DENND6B: variants seen among roughly 807,000 people sequenced by gnomAD.
DENND6B encodes the protein DENN domain containing 6B.
In DENND6B, 73 loss-of-function variants were observed where a neutral mutation model predicts 85.1. The observed-to-expected ratio is 0.86, with a 90% CI of 0.71 to 1.04. The LOEUF (loss-of-function observed/expected upper bound fraction) is 1.04. Among genes scored for constraint, DENND6B ranks in the 50% least tolerant of loss-of-function variants. The probability of loss-of-function intolerance (pLI) is 0.00; values close to 1 mark genes in which losing one functional copy is unlikely to be tolerated. For synonymous variants in DENND6B, 357 were observed against 329.3 expected (o/e 1.08, Z -0.91); for missense variants, 715 against 785.8 (o/e 0.91, Z 1.08).
chr22:50,318,345 TA>T (rs1171210151), intron 3 of DENND6B, among the ~76,000 whole-genome samples: 1 of 152,050 alleles, frequency 6.6e-6, no homozygotes, highest in Non-Finnish European at 1.5e-5. Context: ...TCCGTTTAAA[TA>T]AAAAAAGCCC....
At chr22:50,319,166 C>T (rs2041960446) in intron 1 of DENND6B, 163 bp from the exon 2 acceptor site, 3 of 1,525,392 alleles carry the variant, frequency 2.0e-6, no homozygotes, top group East Asian at 2.5e-5. Context: ...CCTGTTCCAA[C>T]AGCACGCTGC....
Position 50,313,174 on chromosome 22 carries a change from C to T in DENND6B, c.1348-66G>A. On this transcript the variant is annotated intron_variant, in intron 16 of 19. Transcript: ENST00000413817. ...TCACAGGCCTGCACCCGGTACGCTT[C>T]CCAGACACACTCCTCACCACTTCTG... 7 of 1,424,500 alleles carry T rather than the reference C, an allele frequency of 4.9e-6. No homozygotes were observed. In the South Asian group the frequency reaches 7.7e-5, roughly 16 times the overall value. The allele number at this position is 1,424,500 out of a possible 1,614,324, so 88.2% of individuals were successfully genotyped here. A position where few individuals can be genotyped will look rare whatever the true frequency, so the allele number is the denominator to read the frequency against.
chr22:50,313,744 A>G lies in DENND6B; in HGVS notation c.1204-20T>C. On this transcript the variant is annotated intron_variant, in intron 14 of 19. Coordinates refer to ENST00000413817, the MANE Select transcript of DENND6B (RefSeq NM_001001794.4). ...CACGCCCTGCAGGGGAGAGAGGGCCAGGCCCTTGCTGCGCTTCACACCACA... is the reference window on the plus strand; with the variant it reads ...CACGCCCTGCAGGGGAGAGAGGGCCGGGCCCTTGCTGCGCTTCACACCACA... The G allele has an allele frequency of 6.2e-7, 1 of 1,605,538 alleles. No individual in the cohort carries two copies. Among genetic ancestry groups the G allele is most frequent in the Non-Finnish European group, 8.5e-7 (1 of 1,177,368 alleles).
chr22:50,312,284 G>A lies in DENND6B; in HGVS notation c.1636-23C>T, dbSNP rs751134272. 7.4e-6 allele frequency: 12 copies of A among 1,611,452 alleles called. No individual in the cohort carries two copies. In the African/African-American group the frequency reaches 9.3e-5, roughly 13 times the overall value. ...CACCTGGAGGGGCAGCCATGGTCAG[G>A]GCAGGCGCAGCTCCGTGCCAGGCTG... On this transcript the variant is annotated intron_variant, in intron 19 of 19. Coordinates refer to ENST00000413817, the MANE Select transcript of DENND6B (RefSeq NM_001001794.4).
chr22:50,312,325 G>A lies in DENND6B; in HGVS notation c.1635+18C>T, dbSNP rs2068076002. The A allele has an allele frequency of 5.6e-6, 9 of 1,611,276 alleles. No individual in the cohort carries two copies. Among genetic ancestry groups the A allele is most frequent in the South Asian group, 2.2e-5 (2 of 90,670 alleles). Reference sequence around the variant, plus strand: ...TGCCAGGCTGGTGGCGCTGGGACAAGGCTGGGAGGCATCTTACCAGCTTCT... The same window carrying A: ...TGCCAGGCTGGTGGCGCTGGGACAAAGCTGGGAGGCATCTTACCAGCTTCT... On this transcript the variant is annotated intron_variant, in intron 19 of 19. Transcript: ENST00000413817.
Position 50,314,701 on chromosome 22 carries a change from C to G in DENND6B, c.882-1G>C. 1 of 1,566,674 alleles carries G rather than the reference C, an allele frequency of 6.4e-7. No homozygotes were observed. The highest frequency in any genetic ancestry group is 2.4e-5 in the East Asian group (1 of 42,128). The stretch of plus-strand genomic sequence containing the variant: ...GCAGAACCTGAGGGGCTGCAGGCAG[C>G]TGTGGGCAGAGGCAGCAGGGAGCAG... On this transcript the variant is annotated splice_acceptor_variant, in intron 10 of 19. Coordinates refer to ENST00000413817, the MANE Select transcript of DENND6B (RefSeq NM_001001794.4). LOFTEE classifies it high-confidence loss of function.
At position 50,311,870 on chromosome 22, in the gene DENND6B, C is replaced by T. The variant is rs549204869; in HGVS notation, c.*269G>A. 5 of 522,624 alleles carry T rather than the reference C, an allele frequency of 9.6e-6. No homozygotes were observed. In the African/African-American group the frequency reaches 9.6e-5, roughly 10 times the overall value. The allele number at this position is 522,624 out of a possible 1,614,324, so 32.4% of individuals were successfully genotyped here. ...AGCAAGGGCTCCCAGCCTGTCCCCG[C>T]CCCCGTCCCAGCCTAAGGTCTGCAG... On this transcript the variant is annotated 3_prime_UTR_variant, in exon 20 of 20. Coordinates refer to ENST00000413817, the MANE Select transcript of DENND6B (RefSeq NM_001001794.4).
intron 1 of DENND6B, among the ~76,000 whole-genome samples, chr22:50,325,430 C>T (rs1303963491): frequency 9.9e-5 from 15 of 151,378 alleles, no homozygotes; most frequent in Admixed American, 7.2e-4. Context: ...CTCCCCCTCC[C>T]GGGTTCAAGC....
chr22:50,312,657 G>A (rs776297392), intron 17 of DENND6B, 32 bp from the exon 18 acceptor site: 8 of 1,526,754 alleles, frequency 5.2e-6, no homozygotes, highest in Non-Finnish European at 7.1e-6. Flanking sequence ...GGGCCATGGG[G>A]CTGACCCTGG....
At chr22:50,320,514 C>T (rs1015517166) in intron 1 of DENND6B, among the ~76,000 whole-genome samples, 4 of 152,190 alleles carry the variant, frequency 2.6e-5, no homozygotes, top group African/African-American at 9.6e-5. Context: ...GCACCTGGCA[C>T]AGAACAGACC....
chr22:50,314,711 AGGCAGCAGGGAGCAGGTGAGGCAGG>A lies in DENND6B; in HGVS notation c.882-36_882-12del, dbSNP rs1381227356. On this transcript the variant is annotated splice_polypyrimidine_tract_variant and intron_variant, in intron 10 of 19. Transcript: ENST00000413817. ...AGGGGCTGCAGGCAGCTGTGGGCAG[AGGCAGCAGGGAGCAGGTGAGGCAGG>A]GGCAGCCCAGGCACAGCCGCGATGG... is the stretch of plus-strand genomic sequence containing the variant. 6.4e-7 allele frequency: 1 copy of A among 1,567,710 alleles called. No homozygotes were observed. Among genetic ancestry groups the A allele is most frequent in the African/African-American group, 1.4e-5 (1 of 73,818 alleles).
Position 50,312,530 on chromosome 22 carries a change from C to G in DENND6B, c.1553G>C (p.Cys518Ser), listed in dbSNP as rs373383489. ...ACCCCCAGCCTCTCTCACCGCCTCA[C>G]AGATAGCCTCCAGGTGCAGGGCCTC... ...KLEALHLEAI[C>S]EANIETWMKD... The change falls in exon 18 of 20, where the codon TGT becomes TCT. Residue 518 changes from cysteine to serine, a missense_variant. By Grantham distance (112) the Cys-to-Ser change is moderately radical (BLOSUM62 -1). Transcript: ENST00000413817. 77 of 1,588,772 alleles carry G rather than the reference C, an allele frequency of 4.8e-5. No homozygotes were observed. The highest frequency in any genetic ancestry group is 3.4e-4 in the South Asian group (30 of 87,674).
chr22:50,319,183 C>T, intron 1 of DENND6B, 180 bp from the exon 2 acceptor site: 3 of 1,514,788 alleles, frequency 2.0e-6, no homozygotes, highest in Non-Finnish European at 1.8e-6. Flanking sequence ...CTGCATCCTC[C>T]CCACACCATA....
chr22:50,326,905 C>G lies in DENND6B; in HGVS notation c.84G>C (p.Ala28=). 2 of 1,388,316 alleles carry G rather than the reference C, an allele frequency of 1.4e-6. No individual in the cohort carries two copies. The highest frequency in any genetic ancestry group is 1.9e-6 in the Non-Finnish European group (2 of 1,070,996). The allele number at this position is 1,388,316 out of a possible 1,614,324, so 86.0% of individuals were successfully genotyped here. The change falls in exon 1 of 20, where the codon GCG becomes GCC. Residue 28 remains alanine (A), a synonymous_variant. Coordinates refer to ENST00000413817, the MANE Select transcript of DENND6B (RefSeq NM_001001794.4). ...AAGPTSSGRA[A]RTPAAPWARF... ...GCGCCCAGGGCGCCGCCGGGGTCCG[C>G]GCCGCGCGACCTGAAGACGTGGGTC...
chr22:50,311,648 G>T lies in DENND6B; in HGVS notation c.*491C>A. 1 of 173,548 alleles carries T rather than the reference G, an allele frequency of 5.8e-6. No homozygotes were observed. The allele number at this position is 173,548 out of a possible 1,614,324, so 10.8% of individuals were successfully genotyped here. ...AGCAGAGCTCTTCACACTGCAAAGTGGTCTCTCCCTTTCTCAAGTTGATGA... is the reference window on the plus strand; with the variant it reads ...AGCAGAGCTCTTCACACTGCAAAGTTGTCTCTCCCTTTCTCAAGTTGATGA... On this transcript the variant is annotated 3_prime_UTR_variant, in exon 20 of 20. Transcript: ENST00000413817.
chr22:50,315,242 C>T (rs979457550), intron 9 of DENND6B, among the ~76,000 whole-genome samples: 6 of 152,292 alleles, frequency 3.9e-5, no homozygotes, highest in East Asian at 1.9e-4. Flanking sequence ...CGCCCAGACC[C>T]CTCCCGTCAC....
intron 1 of DENND6B, among the ~76,000 whole-genome samples, chr22:50,320,581 C>T (rs1160096213): frequency 6.6e-6 from 1 of 152,162 alleles, no homozygotes; most frequent in East Asian, 1.9e-4. Flanking sequence ...TTTACTAGAA[C>T]AGGTGGGTGG....
intron 9 of DENND6B, chr22:50,315,196 C>T (rs1196084146): frequency 1.3e-5 from 6 of 467,580 alleles, no homozygotes; most frequent in East Asian, 1.3e-4. Flanking sequence ...GCCCCAAAGC[C>T]GGGGCAGGGT....
At chr22:50,325,334 CTTTT>C (rs67536916) in intron 1 of DENND6B, among the ~76,000 whole-genome samples, 1 of 123,710 alleles carries the variant, frequency 8.1e-6, no homozygotes, top group Non-Finnish European at 1.6e-5. Context: ...GAGGAACCTC[CTTTT>C]TTTTTTTTTT....
Sources: allele counts gnomAD v4.1 joint callset (sites outside exome capture counted in the v4.1 genomes callset), GRCh38; gene constraint gnomAD v4.1.1; transcripts MANE v1.5; gene names NCBI Gene and HGNC (gene_info 2026-07-23, HGNC 2026-07-21).